The following SDHAF3 variants were observed in gnomAD, a reference collection of about 807,000 sequenced individuals.
The protein encoded by SDHAF3 is succinate dehydrogenase complex assembly factor 3, also known as succinate dehydrogenase assembly factor 3, mitochondrial.
SDHAF3 carries 18 observed loss-of-function variants against 11.5 expected under a neutral mutation model. The ratio of observed to expected loss-of-function variants is 1.56; its 90% CI spans 1.08 to 2.32. SDHAF3 has a LOEUF of 2.32. Ranked by LOEUF, SDHAF3 falls within the 30% of genes most tolerant of loss-of-function variation. The pLI is 0.00. For missense variants in SDHAF3, 200 were observed against 154.4 expected (o/e 1.30, Z -1.57); for synonymous variants, 72 against 59.3 (o/e 1.21, Z -0.99).
intron 1 of SDHAF3, among the ~76,000 whole-genome samples, chr7:97,166,107 G>A (rs1789500654): frequency 6.6e-6 from 1 of 152,300 alleles, no homozygotes; most frequent in Non-Finnish European, 1.5e-5. Flanking sequence ...ATATATGGCT[G>A]CTGATGCATG....
chr7:97,155,488 C>G (rs1176707286), intron 1 of SDHAF3, among the ~76,000 whole-genome samples: 11 of 152,190 alleles, frequency 7.2e-5, no homozygotes, highest in Admixed American at 7.2e-4. Context: ...TTTTCTGCCC[C>G]ATGCCTCATT....
intron 1 of SDHAF3, among the ~76,000 whole-genome samples, chr7:97,176,627 C>T (rs1209930808): frequency 2.0e-5 from 3 of 152,076 alleles, no homozygotes; most frequent in East Asian, 1.9e-4. Flanking sequence ...AAAGACTAGT[C>T]GGTAATGGGT....
intron 1 of SDHAF3, among the ~76,000 whole-genome samples, chr7:97,162,806 C>T (rs1163182410): frequency 6.6e-6 from 1 of 152,082 alleles, no homozygotes; most frequent in African/African-American, 2.4e-5. Flanking sequence ...TGTTTTACTT[C>T]CAATTATGTG....
intron 1 of SDHAF3, among the ~76,000 whole-genome samples, chr7:97,158,959 T>G (rs1382528681): frequency 6.6e-6 from 1 of 152,246 alleles, no homozygotes; most frequent in Non-Finnish European, 1.5e-5. Context: ...TTCTTTTTTC[T>G]GTTTACTGTT....
At chr7:97,180,823 G>A (rs966226982) in intron 1 of SDHAF3, among the ~76,000 whole-genome samples, 189 bp from the exon 2 acceptor site, 1 of 152,112 alleles carries the variant, frequency 6.6e-6, no homozygotes, top group Non-Finnish European at 1.5e-5. Flanking sequence ...CACTTAAAGT[G>A]CTAAAAATAG....
intron 1 of SDHAF3, among the ~76,000 whole-genome samples, chr7:97,142,042 CTTTTTTTTTTTTTT>C (rs71131003): frequency 6.6e-4 from 41 of 61,692 alleles, no homozygotes; most frequent in African/African-American, 2.2e-3. Flanking sequence ...GAATTGTTGT[CTTTTTTTTTTTTTT>C]TTTTTTTTTT....
At chr7:97,129,984 A>G (rs1791641248) in intron 1 of SDHAF3, among the ~76,000 whole-genome samples, 1 of 152,206 alleles carries the variant, frequency 6.6e-6, no homozygotes. Flanking sequence ...GGCATACCAC[A>G]GCAGCTTCCA....
chr7:97,169,195 G>A (rs1483157182), intron 1 of SDHAF3, among the ~76,000 whole-genome samples: 2 of 151,996 alleles, frequency 1.3e-5, no homozygotes, highest in Admixed American at 6.6e-5. Flanking sequence ...GCATGGTGGT[G>A]GGCGCCTGTA....
chr7:97,126,564 G>A (rs187791352), intron 1 of SDHAF3, among the ~76,000 whole-genome samples: 7 of 152,126 alleles, frequency 4.6e-5, no homozygotes, highest in Admixed American at 3.3e-4. Context: ...GCTTTGCTGC[G>A]TTACGTTGAG....
At chr7:97,125,838 T>C (rs1442021260) in intron 1 of SDHAF3, among the ~76,000 whole-genome samples, 1 of 152,214 alleles carries the variant, frequency 6.6e-6, no homozygotes, top group Non-Finnish European at 1.5e-5. Flanking sequence ...CTTCTGTCAA[T>C]TCATCAAACT....
chr7:97,151,442 G>A (rs539203197), intron 1 of SDHAF3, among the ~76,000 whole-genome samples: 7 of 152,060 alleles, frequency 4.6e-5, no homozygotes, highest in South Asian at 2.1e-4. Flanking sequence ...AAAATATCTC[G>A]GGGAGCAGCC....
intron 1 of SDHAF3, among the ~76,000 whole-genome samples, chr7:97,138,091 C>T (rs548385371): frequency 4.6e-5 from 7 of 151,760 alleles, no homozygotes; most frequent in Non-Finnish European, 1.0e-4. Flanking sequence ...AACTCCTGAC[C>T]TCAAGTGATC....
intron 1 of SDHAF3, among the ~76,000 whole-genome samples, chr7:97,179,420 C>CATCT (rs1232142469): frequency 1.3e-5 from 2 of 150,766 alleles, no homozygotes; most frequent in African/African-American, 2.4e-5. Flanking sequence ...TCTTTATTAT[C>CATCT]ATCTGAGTAA....
At chr7:97,143,421 C>T (rs1295849142) in intron 1 of SDHAF3, among the ~76,000 whole-genome samples, 2 of 152,008 alleles carry the variant, frequency 1.3e-5, no homozygotes, top group Non-Finnish European at 2.9e-5. Flanking sequence ...GTATACACTG[C>T]ACCATATTTG....
At position 97,169,430 on chromosome 7, in the gene SDHAF3, A is replaced by C. The variant is rs578064121; in HGVS notation, c.175-11582A>C. ...TATAATTTTTAAAATACTTGATTTG[A>C]TGTAACTCACTTGATGTTATAATAG... On this transcript the variant is annotated intron_variant, in intron 1 of 1. Coordinates refer to ENST00000432641, the MANE Select transcript of SDHAF3 (RefSeq NM_020186.3). Among the ~76,000 whole-genome samples, 12 of 152,324 alleles carry C rather than the reference A, an allele frequency of 7.9e-5. No homozygotes were observed. In the East Asian group the frequency reaches 2.3e-3, roughly 29 times the overall value.
chr7:97,132,495 C>T (rs908476305), intron 1 of SDHAF3, among the ~76,000 whole-genome samples: 3 of 152,070 alleles, frequency 2.0e-5, no homozygotes, highest in African/African-American at 7.2e-5. Context: ...TCTATCTGGT[C>T]TAGTATTATG....
intron 1 of SDHAF3, among the ~76,000 whole-genome samples, chr7:97,137,278 G>A (rs1388220187): frequency 6.6e-6 from 1 of 152,136 alleles, no homozygotes; most frequent in Admixed American, 6.6e-5. Context: ...GAGGGAGTCT[G>A]TGGGTTAGGG....
chr7:97,133,854 C>G (rs931089825), intron 1 of SDHAF3, among the ~76,000 whole-genome samples: 2 of 151,948 alleles, frequency 1.3e-5, no homozygotes, highest in Non-Finnish European at 2.9e-5. Context: ...GTGCTTTATT[C>G]GAATAGATTT....
intron 1 of SDHAF3, among the ~76,000 whole-genome samples, chr7:97,133,987 T>C (rs1355495533): frequency 6.6e-6 from 1 of 152,222 alleles, no homozygotes; most frequent in Non-Finnish European, 1.5e-5. Flanking sequence ...AGGAACAGTT[T>C]CTGGACTTTG....
Sources: allele counts gnomAD v4.1 joint callset (sites outside exome capture counted in the v4.1 genomes callset), GRCh38; gene constraint gnomAD v4.1.1; transcripts MANE v1.5; gene names NCBI Gene and HGNC (gene_info 2026-07-23, HGNC 2026-07-21).